RPRD1B: variants seen among roughly 807,000 people sequenced by gnomAD.
The protein encoded by RPRD1B is regulation of nuclear pre-mRNA domain containing 1B, also known as regulation of nuclear pre-mRNA domain-containing protein 1B.
RPRD1B carries 11 observed loss-of-function variants against 41.5 expected under a neutral mutation model. The ratio of observed to expected loss-of-function variants is 0.27; its 90% CI spans 0.17 to 0.44. RPRD1B has a LOEUF of 0.44. Ranked by LOEUF, RPRD1B falls within the 20% of genes least tolerant of loss-of-function variation. RPRD1B has a pLI of 1.00. For synonymous variants in RPRD1B, 158 were observed against 155.6 expected (o/e 1.02, Z -0.12); for missense variants, 248 against 389.9 (o/e 0.64, Z 3.06).
intron 6 of RPRD1B, chr20:38,085,462 C>T (rs533925249): frequency 6.6e-6 from 1 of 152,326 alleles, no homozygotes; most frequent in African/African-American, 2.4e-5. Context: ...ACTTGGTGTA[C>T]TAAAGAGATT....
chr20:38,073,105 C>T (rs1327330046), intron 6 of RPRD1B, among the ~76,000 whole-genome samples: 1 of 152,188 alleles, frequency 6.6e-6, no homozygotes, highest in Non-Finnish European at 1.5e-5. Flanking sequence ...TTTGATTCTG[C>T]AACATCAACA....
chr20:38,054,637 A>G (rs1390079668), intron 3 of RPRD1B, among the ~76,000 whole-genome samples: 1 of 152,184 alleles, frequency 6.6e-6, no homozygotes. Flanking sequence ...CCCAGTGCCA[A>G]AATTCAGGAA....
intron 6 of RPRD1B, among the ~76,000 whole-genome samples, chr20:38,079,822 C>CTAATT (rs1464158428): frequency 6.6e-6 from 1 of 152,218 alleles, no homozygotes; most frequent in Admixed American, 6.5e-5. Flanking sequence ...AGTAGCTGAA[C>CTAATT]TAATTTACAT....
rs1348384893 is a variant in RPRD1B at position 38,090,807 on chromosome 20, G to A, written c.*932G>A. 2.0e-6 allele frequency: 2 copies of A among 985,352 alleles called. No homozygotes were observed. The highest frequency in any genetic ancestry group is 4.7e-5 in the South Asian group (1 of 21,292). The allele number at this position is 985,352 out of a possible 1,614,324, so 61.0% of individuals were successfully genotyped here. ...TTCTGGGAGTAGGGTACACACTAAC[G>A]TTTAATCCGCTGTCTGGGTGCATGT... On this transcript the variant is annotated 3_prime_UTR_variant, in exon 7 of 7. Coordinates refer to ENST00000373433, the MANE Select transcript of RPRD1B (RefSeq NM_021215.4).
At chr20:38,069,225 C>T (rs745455364) in intron 6 of RPRD1B, among the ~76,000 whole-genome samples, 3 of 152,068 alleles carry the variant, frequency 2.0e-5, no homozygotes, top group Admixed American at 6.5e-5. Flanking sequence ...GATTCAGAGC[C>T]TAGGATGTAG....
intron 1 of RPRD1B, among the ~76,000 whole-genome samples, chr20:38,035,739 T>TA (rs1266145636): frequency 6.6e-6 from 1 of 151,816 alleles, no homozygotes; most frequent in Non-Finnish European, 1.5e-5. Flanking sequence ...AAGAGGCAGT[T>TA]AAAGTCCATC....
chr20:38,057,496 A>G lies in RPRD1B; in HGVS notation c.416-36A>G, dbSNP rs111480281. The G allele has an allele frequency of 3.3e-4, 483 of 1,455,828 alleles. 3 individuals carry two copies. In the African/African-American group the frequency reaches 6.0e-3, roughly 18 times the overall value. 90.2% of individuals were successfully genotyped at this position (1,455,828 alleles called of 1,614,324 possible). On this transcript the variant is annotated intron_variant, in intron 3 of 6. Transcript: ENST00000373433. ...AGCATGTGACTTATCACTACAGGAT[A>G]TGTGACTCAAATTTATTACTTTCTC...
At position 38,091,258 on chromosome 20, in the gene RPRD1B, A is replaced by G; in HGVS notation, c.*1383A>G. The stretch of plus-strand genomic sequence containing the variant: ...CAGTGGAGGGGGCTTTGTAATCTCC[A>G]TTAATTTGTGTTGCTACTTCCAGGA... On this transcript the variant is annotated 3_prime_UTR_variant, in exon 7 of 7. Transcript: ENST00000373433. The G allele has an allele frequency of 1.0e-6, 1 of 985,892 alleles. No homozygotes were observed. Among genetic ancestry groups the G allele is most frequent in the East Asian group, 1.1e-4 (1 of 8,816 alleles). The allele number at this position is 985,892 out of a possible 1,614,324, so 61.1% of individuals were successfully genotyped here.
chr20:38,040,612 C>T, intron 2 of RPRD1B, 48 bp downstream of exon 2: 2 of 1,571,018 alleles, frequency 1.3e-6, no homozygotes, highest in Non-Finnish European at 1.7e-6. Flanking sequence ...TTGCCTTTCC[C>T]ACCTTTTTGT....
At position 38,092,200 on chromosome 20, in the gene RPRD1B, C is replaced by A; in HGVS notation, c.*2325C>A. ...TATTCCTCAGAAAGTCTTCAATCTT[C>A]CCTTGTTTTTGTTTGTTTGTTTTTC... On this transcript the variant is annotated 3_prime_UTR_variant, in exon 7 of 7. Coordinates refer to ENST00000373433, the MANE Select transcript of RPRD1B (RefSeq NM_021215.4). 1.0e-6 allele frequency: 1 copy of A among 985,578 alleles called. No homozygotes were observed. Among genetic ancestry groups the A allele is most frequent in the South Asian group, 4.7e-5 (1 of 21,270 alleles). The allele number at this position is 985,578 out of a possible 1,614,324, so 61.1% of individuals were successfully genotyped here.
chr20:38,051,791 G>A (rs1357563002), intron 3 of RPRD1B, among the ~76,000 whole-genome samples: 4 of 152,026 alleles, frequency 2.6e-5, no homozygotes, highest in African/African-American at 4.8e-5. Flanking sequence ...TTGCTCTGTC[G>A]CCCAGGCTGG....
intron 6 of RPRD1B, among the ~76,000 whole-genome samples, chr20:38,067,382 T>C (rs187005632): frequency 1.3e-5 from 2 of 152,306 alleles, no homozygotes; most frequent in East Asian, 1.9e-4. Context: ...GAGCCAGTCA[T>C]GTTGTATTTC....
chr20:38,035,067 A>C (rs1253151046), intron 1 of RPRD1B, among the ~76,000 whole-genome samples: 5 of 152,252 alleles, frequency 3.3e-5, no homozygotes, highest in Non-Finnish European at 5.9e-5. Context: ...CAGAAGAGGA[A>C]AAACTGAGAC....
chr20:38,041,113 G>A (rs1016437759), intron 2 of RPRD1B, among the ~76,000 whole-genome samples: 1 of 152,058 alleles, frequency 6.6e-6, no homozygotes, highest in Non-Finnish European at 1.5e-5. Flanking sequence ...GAGAGGAGTG[G>A]CACTCATACA....
Position 38,083,442 on chromosome 20 carries a change from T to G in RPRD1B, c.832-6284T>G, listed in dbSNP as rs979183398. Among the ~76,000 whole-genome samples the G allele has an allele frequency of 4.6e-5, 7 of 152,112 alleles. No individual in the cohort carries two copies. The East Asian group carries it at 1.3e-3, about 29-fold the overall frequency. ...CCTAAAGTGTATTTTCCTTTTTTAGTTTTTTTTAGTTAGTATAGACACTGA... is the reference window on the plus strand; with the variant it reads ...CCTAAAGTGTATTTTCCTTTTTTAGGTTTTTTTAGTTAGTATAGACACTGA... On this transcript the variant is annotated intron_variant, in intron 6 of 6. Transcript: ENST00000373433.
chr20:38,064,718 AC>A (rs1214844831), intron 5 of RPRD1B, among the ~76,000 whole-genome samples: 4 of 152,290 alleles, frequency 2.6e-5, no homozygotes, highest in South Asian at 2.1e-4. Flanking sequence ...ATGAGTTACA[AC>A]CCATTAATTG....
rs778655838 is a variant in RPRD1B at position 38,066,153 on chromosome 20, G to A, written c.728G>A (p.Arg243His). 9 of 1,614,180 alleles carry A rather than the reference G, an allele frequency of 5.6e-6. No individual in the cohort carries two copies. Among genetic ancestry groups the A allele is most frequent in the Admixed American group, 3.3e-5 (2 of 60,024 alleles). The stretch of plus-strand genomic sequence containing the variant: ...CTGTTACTAGCAGAATATAACGGGC[G>A]CCTGGCAGCAGAACTGGAGGACCGT... ...ACLLLAEYNG[R>H]LAAELEDRRQ... The change falls in exon 6 of 7, where the codon CGC becomes CAC. Residue 243 changes from arginine (R) to histidine (H), a missense_variant. Coordinates refer to ENST00000373433, the MANE Select transcript of RPRD1B (RefSeq NM_021215.4).
intron 1 of RPRD1B, among the ~76,000 whole-genome samples, chr20:38,040,052 G>C (rs2074049739): frequency 6.6e-6 from 1 of 152,070 alleles, no homozygotes; most frequent in South Asian, 2.1e-4. Flanking sequence ...CTTTCATTCT[G>C]AAATATTTGA....
chr20:38,063,030 C>T (rs1442187914), intron 5 of RPRD1B, among the ~76,000 whole-genome samples: 2 of 152,048 alleles, frequency 1.3e-5, no homozygotes, highest in African/African-American at 4.8e-5. Context: ...GCCTCTGTTA[C>T]CGCAAGACTT....
Sources: allele counts gnomAD v4.1 joint callset (sites outside exome capture counted in the v4.1 genomes callset), GRCh38; gene constraint gnomAD v4.1.1; transcripts MANE v1.5; gene names NCBI Gene and HGNC (gene_info 2026-07-23, HGNC 2026-07-21).